Variants in TMEM135 observed in about 807,000 individuals in gnomAD.
TMEM135 encodes the protein transmembrane protein 135, also known as peroxisomal membrane protein 52.
In TMEM135, 30 loss-of-function variants were observed where a neutral mutation model predicts 60.3. The observed-to-expected ratio is 0.50, with a 90% CI of 0.37 to 0.68. The LOEUF (loss-of-function observed/expected upper bound fraction) is 0.68, where lower values mean the gene tolerates loss of function less well. Ranked by LOEUF, TMEM135 falls within the 30% of genes least tolerant of loss-of-function variation. TMEM135 has a pLI of 0.00. For missense variants in TMEM135, 468 were observed against 548.8 expected (o/e 0.85, Z 1.47); for synonymous variants, 190 against 186.7 (o/e 1.02, Z -0.14).
At chr11:87,069,142 C>T (rs1172106510) in intron 2 of TMEM135, among the ~76,000 whole-genome samples, 7 of 151,528 alleles carry the variant, frequency 4.6e-5, no homozygotes, top group African/African-American at 7.3e-5. Flanking sequence ...AAAAATTAGC[C>T]GGGCGTGGTG....
intron 5 of TMEM135, among the ~76,000 whole-genome samples, chr11:87,195,458 C>G (rs1939933056): frequency 6.7e-6 from 1 of 148,460 alleles, no homozygotes; most frequent in African/African-American, 2.5e-5. Flanking sequence ...CGGAGTTTTA[C>G]TCTTGTTGTC....
At chr11:87,218,538 C>T (rs1057074864) in intron 5 of TMEM135, among the ~76,000 whole-genome samples, 1 of 152,114 alleles carries the variant, frequency 6.6e-6, no homozygotes, top group Non-Finnish European at 1.5e-5. Context: ...AATGAATATA[C>T]CAGCTGATAT....
intron 9 of TMEM135, among the ~76,000 whole-genome samples, chr11:87,307,624 G>A (rs1382219919): frequency 6.6e-6 from 1 of 152,108 alleles, no homozygotes; most frequent in Non-Finnish European, 1.5e-5. Flanking sequence ...TCTTTCAAAT[G>A]TGTACCAGTA....
intron 1 of TMEM135, among the ~76,000 whole-genome samples, chr11:87,057,816 T>TA (rs35104865): frequency 2.7e-5 from 4 of 150,160 alleles, no homozygotes; most frequent in African/African-American, 1.0e-4. Flanking sequence ...TGTGTGTGTG[T>TA]TTGTGTGTGT....
intron 3 of TMEM135, among the ~76,000 whole-genome samples, chr11:87,078,727 C>T (rs759899658): frequency 6.6e-6 from 1 of 152,036 alleles, no homozygotes; most frequent in Non-Finnish European, 1.5e-5. Flanking sequence ...AATTCCCCTG[C>T]CTCAGCCTCC....
At chr11:87,131,916 G>A (rs1057353939) in intron 4 of TMEM135, among the ~76,000 whole-genome samples, 4 of 152,006 alleles carry the variant, frequency 2.6e-5, no homozygotes, top group African/African-American at 9.7e-5. Flanking sequence ...GACAGCGTTA[G>A]GTTCTCATAG....
intron 6 of TMEM135, among the ~76,000 whole-genome samples, chr11:87,278,694 G>A (rs981936539): frequency 6.6e-6 from 1 of 152,036 alleles, no homozygotes; most frequent in Non-Finnish European, 1.5e-5. Flanking sequence ...TTAACTTTGA[G>A]TTATAATTTA....
At chr11:87,318,997 T>C (rs1942778367) in intron 13 of TMEM135, 1 of 242,432 alleles carries the variant, frequency 4.1e-6, no homozygotes, top group Non-Finnish European at 8.0e-6. Flanking sequence ...GCCTCCCAAG[T>C]AGCTGGGATT....
At chr11:87,237,592 T>C (rs1434156656) in intron 6 of TMEM135, among the ~76,000 whole-genome samples, 2 of 151,992 alleles carry the variant, frequency 1.3e-5, no homozygotes, top group Non-Finnish European at 2.9e-5. Context: ...TTAATTTTTG[T>C]GGGGACATAG....
chr11:87,212,653 C>T (rs11235014), intron 5 of TMEM135, among the ~76,000 whole-genome samples: 5 of 151,882 alleles, frequency 3.3e-5, no homozygotes, highest in Admixed American at 2.0e-4. Context: ...AAAACCCTGT[C>T]TGCACCAAAA....
At chr11:87,046,253 A>C (rs1407087373) in intron 1 of TMEM135, among the ~76,000 whole-genome samples, 1 of 152,116 alleles carries the variant, frequency 6.6e-6, no homozygotes, top group Non-Finnish European at 1.5e-5. Flanking sequence ...AAAAATACAA[A>C]AATTAGCCAG....
intron 6 of TMEM135, among the ~76,000 whole-genome samples, chr11:87,264,610 A>T (rs1941715289): frequency 6.6e-6 from 1 of 151,852 alleles, no homozygotes; most frequent in Non-Finnish European, 1.5e-5. Flanking sequence ...TGTATTGAAG[A>T]CTTATTTGAA....
At chr11:87,159,701 C>T (rs581079) in intron 5 of TMEM135, among the ~76,000 whole-genome samples, 22,376 of 151,454 alleles carry the variant, frequency 0.15, 1,713 homozygotes, top group Middle Eastern at 0.17. Flanking sequence ...ACTCTCTGGT[C>T]GGGGAAACAA....
chr11:87,148,580 T>A (rs1938475093), intron 4 of TMEM135, among the ~76,000 whole-genome samples: 1 of 152,170 alleles, frequency 6.6e-6, no homozygotes. Flanking sequence ...TTATTTTAAG[T>A]GCTTGCTGCC....
rs534365416 is a variant in TMEM135 at position 87,151,522 on chromosome 11, G to A, written c.397-5819G>A. On this transcript the variant is annotated intron_variant, in intron 4 of 14. Transcript: ENST00000305494. ...TTCCTGTTAAAGGAATTCCTTAAATGCCTATTGATTCTTGTTTGCCTTTTA... is the reference window on the plus strand; with the variant it reads ...TTCCTGTTAAAGGAATTCCTTAAATACCTATTGATTCTTGTTTGCCTTTTA... 1.8e-3 allele frequency among the ~76,000 whole-genome samples: 273 copies of A among 152,108 alleles called. 4 individuals are homozygous for A. The highest frequency in any genetic ancestry group is 6.2e-3 in the African/African-American group (256 of 41,516).
Position 87,142,501 on chromosome 11 carries a change from C to T in TMEM135, c.397-14840C>T, listed in dbSNP as rs1204096247. On this transcript the variant is annotated intron_variant, in intron 4 of 14. Transcript: ENST00000305494. ...TTTTGGATGTAGAATTCTGGATTGACAATCCGGCATCTACTATTTGTGTCG... is the reference window on the plus strand; with the variant it reads ...TTTTGGATGTAGAATTCTGGATTGATAATCCGGCATCTACTATTTGTGTCG... 2.6e-5 allele frequency among the ~76,000 whole-genome samples: 4 copies of T among 152,310 alleles called. No individual in the cohort carries two copies. The East Asian group carries it at 5.8e-4, about 22-fold the overall frequency.
intron 6 of TMEM135, among the ~76,000 whole-genome samples, chr11:87,289,170 A>G (rs1942219655): frequency 1.3e-5 from 2 of 152,166 alleles, no homozygotes; most frequent in Non-Finnish European, 2.9e-5. Flanking sequence ...TTATCTTTTA[A>G]AAAATTGAGA....
At chr11:87,174,739 G>C (rs751642534) in intron 5 of TMEM135, among the ~76,000 whole-genome samples, 2 of 152,122 alleles carry the variant, frequency 1.3e-5, no homozygotes, top group African/African-American at 4.8e-5. Context: ...GCTTACAGCA[G>C]GTCCTCCAAT....
chr11:87,259,547 A>G (rs1054817843), intron 6 of TMEM135, among the ~76,000 whole-genome samples: 10 of 152,170 alleles, frequency 6.6e-5, no homozygotes. Flanking sequence ...ATTCCAGTCT[A>G]CATCCTTAAA....
Sources: gnomAD v4.1 joint callset for allele counts (sites outside exome capture counted in the v4.1 genomes callset) on GRCh38, gnomAD v4.1.1 for gene constraint, MANE v1.5 for transcripts, NCBI Gene and HGNC (gene_info 2026-07-23, HGNC 2026-07-21) for gene names.